Variants in PXDN observed in about 807,000 individuals in gnomAD.
The protein encoded by PXDN is peroxidasin homolog.
PXDN carries 77 observed loss-of-function variants against 140.3 expected under a neutral mutation model. That is an observed-to-expected ratio of 0.55 (90% CI 0.46 to 0.66). The LOEUF is 0.66. Ranked by LOEUF, PXDN falls within the 30% of genes least tolerant of loss-of-function variation. PXDN has a pLI of 0.00. For synonymous variants in PXDN, 911 were observed against 857.4 expected (o/e 1.06, Z -1.09); for missense variants, 1,838 against 2,039.5 (o/e 0.90, Z 1.90).
chr2:1,658,052 CTCTCTCTCTCT>C (rs1413206998), intron 14 of PXDN, among the ~76,000 whole-genome samples: 2 of 127,852 alleles, frequency 1.6e-5, no homozygotes, highest in Non-Finnish European at 1.6e-5. Context: ...CTCTCTCTCT[CTCTCTCTCTCT>C]CTCTCTCTCT....
rs1209721158 is a variant in PXDN at position 1,632,945 on chromosome 2, G to C, written c.*1259C>G. ...TGCTGCACTGAAGCTGTGTGTTCGG[G>C]GAAAGGTTGCTCAGAACACAGATCG... On this transcript the variant is annotated 3_prime_UTR_variant, in exon 23 of 23. Coordinates refer to ENST00000252804, the MANE Select transcript of PXDN (RefSeq NM_012293.3). The surrounding 1 kb of genome is among the most constrained non-coding windows in gnomAD (Gnocchi z 4.3). 2 of 152,522 alleles carry C rather than the reference G, an allele frequency of 1.3e-5. No individual in the cohort carries two copies. Among genetic ancestry groups the C allele is most frequent in the South Asian group, 2.1e-4 (1 of 4,814 alleles). The allele number at this position is 152,522 out of a possible 1,614,324, so 9.4% of individuals were successfully genotyped here. A position where few individuals can be genotyped will look rare whatever the true frequency, so the allele number is the denominator to read the frequency against.
chr2:1,654,481 G>T lies in PXDN; in HGVS notation c.1865C>A (p.Pro622Gln). 1 of 1,613,342 alleles carries T rather than the reference G, an allele frequency of 6.2e-7. No homozygotes were observed. Among genetic ancestry groups the T allele is most frequent in the Non-Finnish European group, 8.5e-7 (1 of 1,179,398 alleles). The change falls in exon 15 of 23, where the codon CCG becomes CAG. Residue 622 changes from proline (P) to glutamine (Q), a missense_variant. Physicochemically the swap from Pro to Gln is moderately conservative, Grantham distance 76 (BLOSUM62 -1). Around this residue, in one of 5 missense-constraint regions of PXDN, gnomAD observed 537 missense variants for 583.9 expected, o/e 0.92. Coordinates refer to ENST00000252804, the MANE Select transcript of PXDN (RefSeq NM_012293.3). Reference protein sequence around the residue: ...NVPDVSRNGDPFVATSIVEAI... With the variant: ...NVPDVSRNGDQFVATSIVEAI... ...TTCCACGATGGAGGTAGCTACAAAC[G>T]GATCTCCATTTCGACTGACGTCAGG...
chr2:1,638,428 T>C (rs1377338413), intron 21 of PXDN, among the ~76,000 whole-genome samples: 1 of 152,172 alleles, frequency 6.6e-6, no homozygotes, highest in Non-Finnish European at 1.5e-5. Flanking sequence ...CCGGAGAGGC[T>C]GGATCAGTTG....
At chr2:1,642,814 C>T (rs942670584) in intron 19 of PXDN, among the ~76,000 whole-genome samples, 6 of 152,166 alleles carry the variant, frequency 3.9e-5, no homozygotes, top group Admixed American at 1.3e-4. Context: ...GCACGAGTGC[C>T]GGGGCTGTGG....
At chr2:1,647,983 C>T (rs1490377275) in intron 17 of PXDN, among the ~76,000 whole-genome samples, 189 bp downstream of exon 17, 1 of 152,136 alleles carries the variant, frequency 6.6e-6, no homozygotes, top group South Asian at 2.1e-4. Context: ...GGCTCTGCCC[C>T]CTCCCCACAA....
At chr2:1,723,433 G>GGTGGATGACTGGATAAATAT (rs1685099299) in intron 1 of PXDN, among the ~76,000 whole-genome samples, 1 of 151,988 alleles carries the variant, frequency 6.6e-6, no homozygotes, top group Non-Finnish European at 1.5e-5. Flanking sequence ...TGGATAAATA[G>GGTGGATGACTGGATAAATAT]ATGGATGAGT....
intron 1 of PXDN, among the ~76,000 whole-genome samples, chr2:1,712,684 T>C (rs1451654014): frequency 6.6e-6 from 1 of 152,124 alleles, no homozygotes; most frequent in Non-Finnish European, 1.5e-5. Flanking sequence ...ATGAAAACGG[T>C]CGGATGAGAC....
At chr2:1,701,679 C>A (rs1684437003) in intron 1 of PXDN, among the ~76,000 whole-genome samples, 1 of 152,186 alleles carries the variant, frequency 6.6e-6, no homozygotes. Context: ...GTGCTCATGG[C>A]TCCCTGAGCC....
At chr2:1,647,449 T>C (rs1682874750) in intron 17 of PXDN, among the ~76,000 whole-genome samples, 1 of 152,178 alleles carries the variant, frequency 6.6e-6, no homozygotes, top group African/African-American at 2.4e-5. Flanking sequence ...CTGCTTTGCC[T>C]GTAAAACTTT....
chr2:1,681,276 C>T (rs960602198), intron 6 of PXDN, among the ~76,000 whole-genome samples: 1 of 152,128 alleles, frequency 6.6e-6, no homozygotes, highest in Non-Finnish European at 1.5e-5. Flanking sequence ...GCAGGAAACA[C>T]ACTATCTTGC....
intron 22 of PXDN, 49 bp downstream of exon 22, chr2:1,635,351 GGGACTCTC>G (rs1682521626): frequency 6.9e-7 from 1 of 1,453,392 alleles, no homozygotes; most frequent in African/African-American, 1.4e-5. Flanking sequence ...GTGGTCACAT[GGGACTCTC>G]GGACTTGCGT....
rs544826814 is a variant in PXDN at position 1,677,625 on chromosome 2, CCGAGGGCTGACGGCTCCCAGGCCTTCCT to C, written c.731-609_731-582del. Among the ~76,000 whole-genome samples, 459 of 152,196 alleles carry C rather than the reference CCGAGGGCTGACGGCTCCCAGGCCTTCCT, an allele frequency of 3.0e-3. 3 individuals are homozygous for C. The highest frequency in any genetic ancestry group is 0.01 in the African/African-American group (431 of 41,518). ...CTTCCGAGGGCCATCCGAGGGCCACCCGAGGGCTGACGGCTCCCAGGCCTTCCTCGAGGGCTGACGGCTCCCAGGCTCC... is the reference window on the plus strand; with the variant it reads ...CTTCCGAGGGCCATCCGAGGGCCACCCGAGGGCTGACGGCTCCCAGGCTCC... On this transcript the variant is annotated intron_variant, in intron 7 of 22. Transcript: ENST00000252804.
In PXDN at chr2:1,714,137, C is replaced by T. The variant is rs1032825487; in HGVS notation, c.201-21003G>A. ...CTTTGGTGACTTCCCCGCCACAACACCCATCCACATCCAGGATACTGTTTT... is the reference window on the plus strand; with the variant it reads ...CTTTGGTGACTTCCCCGCCACAACATCCATCCACATCCAGGATACTGTTTT... On this transcript the variant is annotated intron_variant, in intron 1 of 22. Coordinates refer to ENST00000252804, the MANE Select transcript of PXDN (RefSeq NM_012293.3). The surrounding 1 kb of genome is among the most constrained non-coding windows in gnomAD (Gnocchi z 4.3). Among the ~76,000 whole-genome samples the T allele has an allele frequency of 2.0e-5, 3 of 152,254 alleles. No individual in the cohort carries two copies. Among genetic ancestry groups the T allele is most frequent in the Admixed American group, 6.5e-5 (1 of 15,290 alleles).
chr2:1,691,549 G>A (rs977789210), intron 3 of PXDN, among the ~76,000 whole-genome samples: 4 of 152,138 alleles, frequency 2.6e-5, no homozygotes, highest in Non-Finnish European at 5.9e-5. Context: ...CAAGGCGACC[G>A]GAAACTATTT....
chr2:1,687,429 G>A lies in PXDN; in HGVS notation c.416+203C>T, dbSNP rs1684086566. Among the ~76,000 whole-genome samples, 1 of 152,180 alleles carries A rather than the reference G, an allele frequency of 6.6e-6. No individual in the cohort carries two copies. The highest frequency in any genetic ancestry group is 1.5e-5 in the Non-Finnish European group (1 of 68,034). ...CAGGGATACGTCCTGAGGGGTGGGT[G>A]GAGGGCTGGCTGGGTGGAAGGCGGG... On this transcript the variant is annotated intron_variant, in intron 4 of 22. Transcript: ENST00000252804. This position sits in a 1 kb window ranked among gnomAD's most constrained non-coding sequence, Gnocchi z 4.0.
At chr2:1,705,604 C>T (rs1027740509) in intron 1 of PXDN, among the ~76,000 whole-genome samples, 2 of 150,126 alleles carry the variant, frequency 1.3e-5, no homozygotes, top group African/African-American at 4.9e-5. Flanking sequence ...GTGCAGGGTG[C>T]GGCTCCCCAC....
intron 1 of PXDN, among the ~76,000 whole-genome samples, chr2:1,700,092 C>T (rs189596750): frequency 1.3e-4 from 20 of 152,212 alleles, no homozygotes; most frequent in Non-Finnish European, 2.6e-4. Flanking sequence ...CACAGAGTCT[C>T]ACTCTATCAC....
intron 1 of PXDN, among the ~76,000 whole-genome samples, chr2:1,715,440 A>G (rs576643791): frequency 6.6e-6 from 1 of 152,338 alleles, no homozygotes; most frequent in South Asian, 2.1e-4. Context: ...TCCCAGATGA[A>G]GAGAAGGGGG....
intron 16 of PXDN, 117 bp downstream of exon 16, chr2:1,653,511 A>G: frequency 7.3e-7 from 1 of 1,374,576 alleles, no homozygotes; most frequent in Non-Finnish European, 1.0e-6. Flanking sequence ...TTCACAGTTC[A>G]TAAGCACAGT....
Sources: gnomAD v4.1 joint callset for allele counts (sites outside exome capture counted in the v4.1 genomes callset) on GRCh38, gnomAD v4.1.1 for gene constraint, gnomAD v4.1.1 regional missense constraint, Gnocchi (gnomAD v3.1) non-coding constraint, MANE v1.5 for transcripts, NCBI Gene and HGNC (gene_info 2026-07-23, HGNC 2026-07-21) for gene names.